RGCC: variants seen among roughly 807,000 people sequenced by gnomAD.
The protein encoded by RGCC is regulator of cell cycle RGCC.
Under a neutral mutation model 15.4 loss-of-function variants are expected in RGCC, and 15 were observed. The ratio of observed to expected loss-of-function variants is 0.97; its 90% CI spans 0.65 to 1.50. The LOEUF is 1.50. Ranked by LOEUF, RGCC falls within the 40% of genes most tolerant of loss-of-function variation. RGCC has a pLI of 0.00. For missense variants in RGCC, 176 were observed against 189.7 expected, an observed-to-expected ratio of 0.93 and a Z score of 0.42; for synonymous variants, 81 against 78.0, an observed-to-expected ratio of 1.04 and a Z score of -0.20.
intron 2 of RGCC, among the ~76,000 whole-genome samples, chr13:41,466,328 C>G (rs567482057): frequency 6.6e-6 from 1 of 152,010 alleles, no homozygotes; most frequent in Non-Finnish European, 1.5e-5. Context: ...CACACACTCC[C>G]TCTCTCCCCT....
intron 2 of RGCC, among the ~76,000 whole-genome samples, chr13:41,466,106 G>A (rs9525489): frequency 0.65 from 98,103 of 150,106 alleles, 33,062 homozygotes; most frequent in South Asian, 0.8. Context: ...ACACTCACAT[G>A]CTCTCACACA....
chr13:41,458,564 C>A lies in RGCC; in HGVS notation c.235+94C>A. On this transcript the variant is annotated intron_variant, in intron 2 of 4. Transcript: ENST00000379359. The surrounding 1 kb of genome is among the most constrained non-coding windows in gnomAD (Gnocchi z 4.4). ...CGGCCTCAGTTTTCTTATCAGTAAA[C>A]TGAGGAATGGTTTCCTGAAGCTCAA... 1 of 1,304,074 alleles carries A rather than the reference C, an allele frequency of 7.7e-7. No individual in the cohort carries two copies. Among genetic ancestry groups the A allele is most frequent in the Non-Finnish European group, 1.0e-6 (1 of 966,638 alleles). The allele number at this position is 1,304,074 out of a possible 1,614,324, so 80.8% of individuals were successfully genotyped here.
chr13:41,457,790 C>T lies in RGCC; in HGVS notation c.49+34C>T, dbSNP rs535025035. 1.5e-6 allele frequency: 2 copies of T among 1,368,586 alleles called. No homozygotes were observed. Among genetic ancestry groups the T allele is most frequent in the East Asian group, 3.1e-5 (1 of 32,584 alleles). 84.8% of individuals were successfully genotyped at this position (1,368,586 alleles called of 1,614,324 possible). A position where few individuals can be genotyped will look rare whatever the true frequency, so the allele number is the denominator to read the frequency against. On this transcript the variant is annotated intron_variant, in intron 1 of 4. Transcript: ENST00000379359. The surrounding 1 kb of genome is among the most constrained non-coding windows in gnomAD (Gnocchi z 4.9). Reference sequence around the variant, plus strand: ...GGGGTCCGGGGTCCCCTTAAAGTCTCGGCTCTGCAGATGGCGGGTGAGAAA... The same window carrying T: ...GGGGTCCGGGGTCCCCTTAAAGTCTTGGCTCTGCAGATGGCGGGTGAGAAA...
intron 3 of RGCC, among the ~76,000 whole-genome samples, chr13:41,468,004 A>C (rs997153911): frequency 6.6e-6 from 1 of 152,192 alleles, no homozygotes; most frequent in Non-Finnish European, 1.5e-5. Flanking sequence ...CAGGGAAGGC[A>C]TGAATGATGT....
intron 2 of RGCC, 56 bp from the exon 3 acceptor site, chr13:41,466,767 T>G: frequency 1.7e-6 from 2 of 1,193,098 alleles, no homozygotes; most frequent in Admixed American, 3.4e-5. Flanking sequence ...TATAAAGTGC[T>G]AAGTCTATAA....
intron 2 of RGCC, among the ~76,000 whole-genome samples, chr13:41,460,691 G>A (rs3783194): frequency 0.084 from 12,754 of 152,224 alleles, 671 homozygotes; most frequent in East Asian, 0.17. Flanking sequence ...AGTTTCTCTA[G>A]CTGTGAAATT....
In RGCC at chr13:41,457,609, G is replaced by A; in HGVS notation, c.-99G>A. 1 of 1,467,438 alleles carries A rather than the reference G, an allele frequency of 6.8e-7. No individual in the cohort carries two copies. Among genetic ancestry groups the A allele is most frequent in the South Asian group, 1.3e-5 (1 of 76,050 alleles). 90.9% of individuals were successfully genotyped at this position (1,467,438 alleles called of 1,614,324 possible). On this transcript the variant is annotated 5_prime_UTR_variant, in exon 1 of 5. Transcript: ENST00000379359. The surrounding 1 kb of genome is among the most constrained non-coding windows in gnomAD (Gnocchi z 4.9). ...CTGGAGCGCAGCGCCGAAGGGACTG[G>A]CAGGGCTGAAGTGTGCGGGACAGCA...
chr13:41,461,481 G>A (rs761556590), intron 2 of RGCC, among the ~76,000 whole-genome samples: 3 of 152,174 alleles, frequency 2.0e-5, no homozygotes, highest in Non-Finnish European at 4.4e-5. Context: ...TATGTTTCAA[G>A]TTTTAACCAG....
chr13:41,466,627 G>T (rs2043850689), intron 2 of RGCC, among the ~76,000 whole-genome samples, 196 bp from the exon 3 acceptor site: 1 of 152,158 alleles, frequency 6.6e-6, no homozygotes. Context: ...CATCTCTGGT[G>T]ATCCACCTGC....
chr13:41,470,322 G>A (rs2043869740), intron 4 of RGCC, among the ~76,000 whole-genome samples, 156 bp from the exon 5 acceptor site: 2 of 152,174 alleles, frequency 1.3e-5, no homozygotes, highest in African/African-American at 4.8e-5. Context: ...AAATTGCAGT[G>A]GGTTGCCCAG....
chr13:41,466,112 A>T (rs1354080458), intron 2 of RGCC, among the ~76,000 whole-genome samples: 3 of 151,174 alleles, frequency 2.0e-5, no homozygotes, highest in African/African-American at 4.9e-5. Context: ...ACATGCTCTC[A>T]CACACACACT....
chr13:41,462,909 G>A (rs986803269), intron 2 of RGCC, among the ~76,000 whole-genome samples: 1 of 152,130 alleles, frequency 6.6e-6, no homozygotes, highest in Non-Finnish European at 1.5e-5. Context: ...GTTCTTGGGA[G>A]GTTTGTTCTA....
chr13:41,460,318 A>G (rs2043815039), intron 2 of RGCC, among the ~76,000 whole-genome samples: 1 of 152,248 alleles, frequency 6.6e-6, no homozygotes, highest in Admixed American at 6.5e-5. Context: ...ATTGCTGCCA[A>G]GAATTGAGTA....
At chr13:41,469,135 C>T (rs1566339477) in intron 4 of RGCC, among the ~76,000 whole-genome samples, 2 of 152,060 alleles carry the variant, frequency 1.3e-5, no homozygotes, top group Admixed American at 6.5e-5. Context: ...GTGGCGCACA[C>T]CTGTAGTCCC....
intron 4 of RGCC, among the ~76,000 whole-genome samples, chr13:41,469,045 A>G (rs2043861757): frequency 6.6e-6 from 1 of 152,020 alleles, no homozygotes; most frequent in Admixed American, 6.6e-5. Flanking sequence ...GGATTACCTG[A>G]GGTCAGGAAT....
intron 3 of RGCC, 84 bp from the exon 4 acceptor site, chr13:41,468,692 A>G: frequency 1.9e-6 from 2 of 1,033,692 alleles, no homozygotes; most frequent in Non-Finnish European, 2.9e-6. Flanking sequence ...AACTTCCTGG[A>G]AAACTCAATA....
intron 2 of RGCC, among the ~76,000 whole-genome samples, chr13:41,465,055 C>T (rs145682075): frequency 5.8e-4 from 89 of 152,254 alleles, no homozygotes; most frequent in African/African-American, 1.9e-3. Context: ...CCTCTTCTTC[C>T]GAAAACTCTG....
At position 41,457,639 on chromosome 13, in the gene RGCC, C is replaced by T. The variant is rs2043798847; in HGVS notation, c.-69C>T. On this transcript the variant is annotated 5_prime_UTR_variant, in exon 1 of 5. Transcript: ENST00000379359. This position sits in a 1 kb window ranked among gnomAD's most constrained non-coding sequence, Gnocchi z 4.9. Reference sequence around the variant, plus strand: ...GCTGAAGTGTGCGGGACAGCAAGCCCCCGAATAGCCCCGGCTGCCACCTCG... The same window carrying T: ...GCTGAAGTGTGCGGGACAGCAAGCCTCCGAATAGCCCCGGCTGCCACCTCG... 2.9e-5 allele frequency: 43 copies of T among 1,499,678 alleles called. No individual in the cohort carries two copies. In the South Asian group the frequency reaches 5.4e-4, roughly 19 times the overall value. 92.9% of individuals were successfully genotyped at this position (1,499,678 alleles called of 1,614,324 possible). A position where few individuals can be genotyped will look rare whatever the true frequency, so the allele number is the denominator to read the frequency against.
Position 41,457,851 on chromosome 13 carries a change from C to G in RGCC, c.49+95C>G, listed in dbSNP as rs1340949176. On this transcript the variant is annotated intron_variant, in intron 1 of 4. Coordinates refer to ENST00000379359, the MANE Select transcript of RGCC (RefSeq NM_014059.3). This position sits in a 1 kb window ranked among gnomAD's most constrained non-coding sequence, Gnocchi z 4.9. ...CGTGTCGTCCCTTCACACCCCCCAC[C>G]CTTCCATCCTCCCCGGCGGGAACCT... The G allele has an allele frequency of 7.5e-7, 1 of 1,337,042 alleles. No homozygotes were observed. The highest frequency in any genetic ancestry group is 9.6e-7 in the Non-Finnish European group (1 of 1,040,722). 82.8% of individuals were successfully genotyped at this position (1,337,042 alleles called of 1,614,324 possible).
Sources: gnomAD v4.1 joint callset for allele counts (sites outside exome capture counted in the v4.1 genomes callset) on GRCh38, gnomAD v4.1.1 for gene constraint, Gnocchi (gnomAD v3.1) non-coding constraint, MANE v1.5 for transcripts, NCBI Gene and HGNC (gene_info 2026-07-23, HGNC 2026-07-21) for gene names.